FBXW7: variants seen among roughly 807,000 people sequenced by gnomAD.
FBXW7 encodes F-box/WD repeat-containing protein 7.
In FBXW7, 11 loss-of-function variants were observed where a neutral mutation model predicts 86.3. The ratio of observed to expected loss-of-function variants is 0.13; its 90% CI spans 0.08 to 0.21. The LOEUF is 0.21. Among genes scored for constraint, FBXW7 ranks in the 10% least tolerant of loss-of-function variants. FBXW7 has a pLI of 1.00. For missense variants in FBXW7, 488 were observed against 847.4 expected (o/e 0.58, Z 5.27); for synonymous variants, 313 against 297.9 (o/e 1.05, Z -0.52).
At chr4:152,323,380 G>A (rs1374897793) in intron 13 of FBXW7, 5 of 563,172 alleles carry the variant, frequency 8.9e-6, no homozygotes, top group Non-Finnish European at 1.2e-5. Flanking sequence ...CTTCCAAGAA[G>A]CTTGGTTAGC....
At chr4:152,406,073 TACC>T (rs1737396343) in intron 4 of FBXW7, among the ~76,000 whole-genome samples, 3 of 152,202 alleles carry the variant, frequency 2.0e-5, no homozygotes, top group African/African-American at 7.2e-5. Context: ...CTGTCTTCCC[TACC>T]ACCAACAAAA....
At chr4:152,338,457 T>C (rs1024346346) in intron 6 of FBXW7, among the ~76,000 whole-genome samples, 1 of 152,078 alleles carries the variant, frequency 6.6e-6, no homozygotes, top group Non-Finnish European at 1.5e-5. Flanking sequence ...GGCTTTGATT[T>C]GTTATGTGAA....
chr4:152,328,478 G>T (rs1729258661), intron 10 of FBXW7, 89 bp from the exon 11 acceptor site: 5 of 852,640 alleles, frequency 5.9e-6, no homozygotes, highest in Non-Finnish European at 6.9e-6. Flanking sequence ...TTGGAGTAAA[G>T]TTACTTATTT....
At chr4:152,374,767 G>A (rs1734334067) in intron 4 of FBXW7, among the ~76,000 whole-genome samples, 2 of 151,922 alleles carry the variant, frequency 1.3e-5, no homozygotes, top group South Asian at 2.1e-4. Flanking sequence ...AACAGTGGAT[G>A]AAACCAGTGC....
At chr4:152,430,519 T>TA (rs397978644) in intron 2 of FBXW7, among the ~76,000 whole-genome samples, 2,508 of 143,966 alleles carry the variant, frequency 0.017, 75 homozygotes, top group African/African-American at 0.057. Context: ...TTCTTACCAT[T>TA]AAAAAAAAAA....
chr4:152,375,588 G>A (rs766794468), intron 4 of FBXW7, among the ~76,000 whole-genome samples: 1 of 151,878 alleles, frequency 6.6e-6, no homozygotes, highest in Non-Finnish European at 1.5e-5. Flanking sequence ...TTCCTTATGA[G>A]GCCTTAAGTA....
chr4:152,439,191 G>A (rs1336715875), intron 2 of FBXW7, among the ~76,000 whole-genome samples: 1 of 152,028 alleles, frequency 6.6e-6, no homozygotes, highest in East Asian at 1.9e-4. Context: ...GTCAAGCTGT[G>A]AGTACAGATA....
At chr4:152,379,759 A>G (rs1734886160) in intron 4 of FBXW7, among the ~76,000 whole-genome samples, 1 of 152,188 alleles carries the variant, frequency 6.6e-6, no homozygotes. Context: ...ATTAAATCCA[A>G]TGCTTATAAA....
chr4:152,466,554 CAAA>C (rs201136250), intron 2 of FBXW7, among the ~76,000 whole-genome samples: 1 of 102,596 alleles, frequency 9.7e-6, no homozygotes, highest in Admixed American at 9.9e-5. Context: ...GACTCCATTT[CAAA>C]AAAAAAAAAA....
At chr4:152,489,091 T>G (rs1353598158) in intron 2 of FBXW7, among the ~76,000 whole-genome samples, 1 of 152,030 alleles carries the variant, frequency 6.6e-6, no homozygotes, top group Non-Finnish European at 1.5e-5. Flanking sequence ...TTTAGGTAAA[T>G]AAACAGCACG....
intron 2 of FBXW7, among the ~76,000 whole-genome samples, chr4:152,527,863 T>C (rs1374604269): frequency 1.9e-5 from 2 of 103,906 alleles, no homozygotes; most frequent in Non-Finnish European, 4.3e-5. Context: ...TTAAAAATTA[T>C]ATACACACAC....
chr4:152,352,603 G>A (rs2126662645), intron 4 of FBXW7: 1 of 1,613,888 alleles, frequency 6.2e-7, no homozygotes, highest in Non-Finnish European at 8.5e-7. Context: ...AGGTAGGTAT[G>A]TCACAGATTC....
chr4:152,326,046 T>G lies in FBXW7; in HGVS notation c.1604A>C (p.His535Pro), dbSNP rs2126492726. ...TCTATTAGTATGCCCCTGCAACGTG[T>G]GTAGACAGGTTTCAGTCTCTGGATC... ...VWDPETETCL[H>P]TLQGHTNRVY... is the part of the protein sequence containing the mutation. Residue 535 changes from histidine (H) to proline (P), a missense_variant, in exon 12 of 14, where the codon CAC becomes CCC. His to Pro is a moderately conservative substitution (Grantham distance 77). Transcript: ENST00000281708. 1 of 1,613,334 alleles carries G rather than the reference T, an allele frequency of 6.2e-7. No individual in the cohort carries two copies. Among genetic ancestry groups the G allele is most frequent in the Non-Finnish European group, 8.5e-7 (1 of 1,179,512 alleles).
chr4:152,536,007 GGCGGCGGCA>G lies in FBXW7; in HGVS notation c.-1102_-1094del. On this transcript the variant is annotated 5_prime_UTR_variant, in exon 1 of 14. Coordinates refer to ENST00000281708, the MANE Select transcript of FBXW7 (RefSeq NM_001349798.2). The stretch of plus-strand genomic sequence containing the variant: ...CTTCGCTCTCAGTCTCAGCGGCGGC[GGCGGCGGCA>G]GCGGCAGCGGCAGCGCCCGGAGCTC... 3 of 233,768 alleles carry G rather than the reference GGCGGCGGCA, an allele frequency of 1.3e-5. No homozygotes were observed. The highest frequency in any genetic ancestry group is 2.5e-5 in the Non-Finnish European group (3 of 121,416). 14.5% of individuals were successfully genotyped at this position (233,768 alleles called of 1,614,324 possible).
At position 152,326,734 on chromosome 4, in the gene FBXW7, T is replaced by TA. The variant is rs1441769137; in HGVS notation, c.1419-504dup. ...ATGCATATATTCCCTTGTGATTAGGTAAAAAATTCAATAAAGTTTATACAA... is the reference window on the plus strand; with the variant it reads ...ATGCATATATTCCCTTGTGATTAGGTAAAAAAATTCAATAAAGTTTATACAA... On this transcript the variant is annotated intron_variant, in intron 11 of 13. Transcript: ENST00000281708. Among the ~76,000 whole-genome samples the TA allele has an allele frequency of 2.0e-5, 3 of 152,204 alleles. No individual in the cohort carries two copies. In the East Asian group the frequency reaches 5.8e-4, roughly 29 times the overall value.
intron 2 of FBXW7, among the ~76,000 whole-genome samples, chr4:152,426,626 T>A (rs1300488666): frequency 6.6e-6 from 1 of 152,034 alleles, no homozygotes; most frequent in Non-Finnish European, 1.5e-5. Context: ...GCAACAGAGA[T>A]CAGACCTGTA....
chr4:152,480,570 G>T (rs2044521744), intron 2 of FBXW7, among the ~76,000 whole-genome samples: 1 of 152,166 alleles, frequency 6.6e-6, no homozygotes, highest in Non-Finnish European at 1.5e-5. Context: ...TGAAGGCCAA[G>T]ATAGGCCAAA....
At chr4:152,334,733 A>G (rs907836692) in intron 7 of FBXW7, among the ~76,000 whole-genome samples, 21 of 152,208 alleles carry the variant, frequency 1.4e-4, no homozygotes, top group Admixed American at 1.3e-3. Context: ...AGAAATATAA[A>G]GAAATACTAA....
Position 152,322,428 on chromosome 4 carries a change from GCTCT to G in FBXW7, c.*449_*452del, listed in dbSNP as rs1728630327. On this transcript the variant is annotated 3_prime_UTR_variant, in exon 14 of 14. Coordinates refer to ENST00000281708, the MANE Select transcript of FBXW7 (RefSeq NM_001349798.2). ...AGAAAAATGACTTTTTGTTGCAGAT[GCTCT>G]CTAATTAGAAAGTCAACCAGTACTT... 4.3e-6 allele frequency: 1 copy of G among 233,796 alleles called. No individual in the cohort carries two copies. Among genetic ancestry groups the G allele is most frequent in the African/African-American group, 2.2e-5 (1 of 45,172 alleles). The allele number at this position is 233,796 out of a possible 1,614,324, so 14.5% of individuals were successfully genotyped here.
Sources: allele counts gnomAD v4.1 joint callset (sites outside exome capture counted in the v4.1 genomes callset), GRCh38; gene constraint gnomAD v4.1.1; transcripts MANE v1.5; gene names NCBI Gene and HGNC (gene_info 2026-07-23, HGNC 2026-07-21).